The following HNF4A variants were observed in gnomAD, a reference collection of about 807,000 sequenced individuals.
HNF4A encodes the protein hepatocyte nuclear factor 4 alpha.
Under a neutral mutation model 52.4 loss-of-function variants are expected in HNF4A, and 15 were observed. The ratio of observed to expected loss-of-function variants is 0.29; its 90% CI spans 0.19 to 0.44. The LOEUF (loss-of-function observed/expected upper bound fraction) is 0.44, where lower values mean the gene tolerates loss of function less well. Ranked by LOEUF, HNF4A falls within the 20% of genes least tolerant of loss-of-function variation. The probability of loss-of-function intolerance (pLI) is 1.00; values close to 1 mark genes in which losing one functional copy is unlikely to be tolerated. For synonymous variants in HNF4A, 280 were observed against 264.4 expected (o/e 1.06, Z -0.57); for missense variants, 479 against 647.2 (o/e 0.74, Z 2.82).
chr20:44,371,019 T>C (rs1347811473), intron 1 of HNF4A, among the ~76,000 whole-genome samples: 2 of 151,718 alleles, frequency 1.3e-5, no homozygotes, highest in African/African-American at 4.8e-5. Flanking sequence ...GCAGAGGAGG[T>C]GGGGAGACAG....
chr20:44,383,275 CT>C (rs1474556785), intron 1 of HNF4A, among the ~76,000 whole-genome samples: 1 of 152,168 alleles, frequency 6.6e-6, no homozygotes, highest in Non-Finnish European at 1.5e-5. Flanking sequence ...CTTCTAAGCC[CT>C]TTTTATACAT....
intron 1 of HNF4A, among the ~76,000 whole-genome samples, chr20:44,356,203 A>T (rs968524396): frequency 2.6e-5 from 4 of 152,150 alleles, no homozygotes; most frequent in Non-Finnish European, 4.4e-5. Flanking sequence ...GGGCAAATTG[A>T]GGTCCACCAG....
intron 1 of HNF4A, among the ~76,000 whole-genome samples, chr20:44,370,894 C>T (rs567239389): frequency 3.9e-5 from 6 of 152,286 alleles, no homozygotes; most frequent in African/African-American, 7.2e-5. Flanking sequence ...GAGCCTGGGC[C>T]GCCAAACTGC....
chr20:44,433,385 T>G (rs1042364422), downstream of HNF4A: 1 of 156,454 alleles, frequency 6.4e-6, no homozygotes, highest in African/African-American at 2.4e-5. Context: ...TTTTTGTTTT[T>G]TTTTCTAGAA....
intron 1 of HNF4A, among the ~76,000 whole-genome samples, chr20:44,376,369 T>A (rs1419169537): frequency 6.6e-6 from 1 of 152,242 alleles, no homozygotes; most frequent in Non-Finnish European, 1.5e-5. Context: ...AAAATTATAC[T>A]ACCAAATTGT....
intron 1 of HNF4A, among the ~76,000 whole-genome samples, chr20:44,391,254 C>T (rs182323001): frequency 1.3e-5 from 2 of 152,294 alleles, no homozygotes; most frequent in Admixed American, 1.3e-4. Flanking sequence ...GCAGAGAGTT[C>T]CTGGCAGGTT....
intron 1 of HNF4A, among the ~76,000 whole-genome samples, chr20:44,393,625 T>G (rs2063326091): frequency 6.6e-6 from 1 of 152,174 alleles, no homozygotes; most frequent in African/African-American, 2.4e-5. Context: ...GTGAAAACAT[T>G]GCCTACCTCC....
intron 1 of HNF4A, among the ~76,000 whole-genome samples, chr20:44,405,300 T>TTTTTAAATG: frequency 6.6e-6 from 1 of 152,126 alleles, no homozygotes; most frequent in South Asian, 2.1e-4. Context: ...TTTTTTAAAT[T>TTTTTAAATG]TGGAAACAGA....
intron 4 of HNF4A, among the ~76,000 whole-genome samples, chr20:44,414,179 T>C (rs1457643487): frequency 2.0e-5 from 3 of 152,254 alleles, no homozygotes; most frequent in African/African-American, 7.2e-5. Flanking sequence ...AGCACCTCTC[T>C]GAGCCATGGT....
At chr20:44,391,152 C>T (rs924256777) in intron 1 of HNF4A, among the ~76,000 whole-genome samples, 2 of 152,154 alleles carry the variant, frequency 1.3e-5, no homozygotes, top group Non-Finnish European at 2.9e-5. Flanking sequence ...CCCTCCATCC[C>T]CTCACCCAGA....
At chr20:44,427,303 G>A (rs992613368) in intron 8 of HNF4A, among the ~76,000 whole-genome samples, 1 of 152,170 alleles carries the variant, frequency 6.6e-6, no homozygotes, top group Admixed American at 6.5e-5. Flanking sequence ...AGGAGCCTGT[G>A]GTCTGTTGCC....
At chr20:44,414,937 C>G (rs1468158315) in intron 5 of HNF4A, among the ~76,000 whole-genome samples, 2 of 152,164 alleles carry the variant, frequency 1.3e-5, no homozygotes, top group African/African-American at 4.8e-5. Flanking sequence ...GTAACCTGCT[C>G]AAGGTCACAT....
intron 7 of HNF4A, among the ~76,000 whole-genome samples, chr20:44,422,342 G>A (rs1196021100): frequency 2.0e-5 from 3 of 152,150 alleles, no homozygotes; most frequent in Non-Finnish European, 2.9e-5. Context: ...GCAGCCTCCA[G>A]CAATTTGAAG....
intron 3 of HNF4A, among the ~76,000 whole-genome samples, chr20:44,408,934 T>C (rs2146385172): frequency 6.6e-6 from 1 of 151,914 alleles, no homozygotes; most frequent in South Asian, 2.1e-4. Context: ...AGCAGGAACG[T>C]AGGACCCAGC....
Position 44,418,484 on chromosome 20 carries a change from C to T in HNF4A, c.708C>T (p.Ser236=), listed in dbSNP as rs2063697252. The change falls in exon 6 of 10, where the codon TCC becomes TCT. Residue 236 remains serine, a synonymous_variant. Coordinates refer to ENST00000316099, the MANE Select transcript of HNF4A (RefSeq NM_000457.6). ...TGCTGCTCGGAGCCACCAAGAGATC[C>T]ATGGTGTTCAAGGACGTGCTGCTCC... The T allele has an allele frequency of 6.2e-7, 1 of 1,613,606 alleles. No homozygotes were observed. The highest frequency in any genetic ancestry group is 8.5e-7 in the Non-Finnish European group (1 of 1,180,000).
At chr20:44,378,930 AAAAAG>A (rs1568697952) in intron 1 of HNF4A, among the ~76,000 whole-genome samples, 1 of 151,272 alleles carries the variant, frequency 6.6e-6, no homozygotes, top group African/African-American at 2.4e-5. Context: ...AAAAAAAAAA[AAAAAG>A]AAAAGAAAAG....
intron 1 of HNF4A, among the ~76,000 whole-genome samples, chr20:44,382,005 TC>T (rs2063160069): frequency 6.6e-6 from 1 of 152,204 alleles, no homozygotes; most frequent in South Asian, 2.1e-4. Context: ...CACAAAGCAA[TC>T]TATGAAAAGG....
At chr20:44,374,537 C>T (rs1044735889) in intron 1 of HNF4A, among the ~76,000 whole-genome samples, 2 of 152,156 alleles carry the variant, frequency 1.3e-5, no homozygotes, top group Non-Finnish European at 2.9e-5. Context: ...AATCTCAGCT[C>T]ACTGCAACCT....
chr20:44,426,516 G>A (rs923560305), intron 8 of HNF4A, among the ~76,000 whole-genome samples: 5 of 151,948 alleles, frequency 3.3e-5, no homozygotes, highest in Non-Finnish European at 5.9e-5. Flanking sequence ...AAGAAATAAA[G>A]ATAGAGGCCG....
Sources: allele counts gnomAD v4.1 joint callset (sites outside exome capture counted in the v4.1 genomes callset), GRCh38; gene constraint gnomAD v4.1.1; transcripts MANE v1.5; gene names NCBI Gene and HGNC (gene_info 2026-07-23, HGNC 2026-07-21).